The following CENPC variants were observed in gnomAD, a reference collection of about 807,000 sequenced individuals.
CENPC encodes centromere protein C, also known as CENP-C 1.
Under a neutral mutation model 112.1 loss-of-function variants are expected in CENPC, and 63 were observed. The observed-to-expected ratio is 0.56, with a 90% CI of 0.46 to 0.69. The LOEUF is 0.69. CENPC is among the 30% of genes least tolerant of loss of function. The probability of loss-of-function intolerance (pLI) is 0.00; values close to 1 mark genes in which losing one functional copy is unlikely to be tolerated. For missense variants in CENPC, 1,000 were observed against 1,103.8 expected, an observed-to-expected ratio of 0.91 and a Z score of 1.33; for synonymous variants, 333 against 367.6, an observed-to-expected ratio of 0.91 and a Z score of 1.08.
Position 67,512,410 on chromosome 4 carries a change from G to A in CENPC, c.1604C>T (p.Ser535Leu), listed in dbSNP as rs971694560. 3 of 1,590,488 alleles carry A rather than the reference G, an allele frequency of 1.9e-6. No homozygotes were observed. Among genetic ancestry groups the A allele is most frequent in the Non-Finnish European group, 2.6e-6 (3 of 1,169,226 alleles). ...TAAATAAAAATACTTACTCTCCTCT[G>A]ATTTTACCACCCACCAATCAGATGG... ...RRPSDWWVVK[S>L]EESPVYSNSS... is the part of the protein sequence containing the mutation. Residue 535 changes from serine to leucine, a missense_variant, in exon 9 of 19, where the codon TCA (serine) becomes TTA (leucine). Transcript: ENST00000273853.
chr4:67,545,322 G>A lies in CENPC; in HGVS notation c.18+16C>T. 1 of 1,471,482 alleles carries A rather than the reference G, an allele frequency of 6.8e-7. No homozygotes were observed. Among genetic ancestry groups the A allele is most frequent in the Non-Finnish European group, 9.1e-7 (1 of 1,103,302 alleles). 91.2% of individuals were successfully genotyped at this position (1,471,482 alleles called of 1,614,324 possible). The stretch of plus-strand genomic sequence containing the variant: ...GCCGCTCAACCACTCGCCTGGAGCG[G>A]GGGGCCTGCACTTACCAGACCGGAC... On this transcript the variant is annotated intron_variant, in intron 1 of 18. Coordinates refer to ENST00000273853, the MANE Select transcript of CENPC (RefSeq NM_001812.4).
chr4:67,491,480 T>TATATATAGAGAG (rs1725270093), intron 16 of CENPC, among the ~76,000 whole-genome samples: 3 of 18,104 alleles, frequency 1.7e-4, no homozygotes, highest in Non-Finnish European at 3.1e-4. Context: ...TATATATATA[T>TATATATAGAGAG]AGAGAGAGAG....
chr4:67,477,841 AG>A (rs973059693), intron 17 of CENPC, among the ~76,000 whole-genome samples: 2 of 152,170 alleles, frequency 1.3e-5, no homozygotes, highest in African/African-American at 4.8e-5. Flanking sequence ...CGAGAGAAAT[AG>A]ATAGCATAAA....
At chr4:67,474,131 C>T (rs1724742344) in intron 18 of CENPC, among the ~76,000 whole-genome samples, 1 of 151,782 alleles carries the variant, frequency 6.6e-6, no homozygotes, top group South Asian at 2.1e-4. Context: ...GTGGTGCAGT[C>T]TCTGGTCACT....
In CENPC at chr4:67,468,965, G is replaced by A. The variant is rs1244981784; in HGVS notation, c.*3640C>T. The A allele has an allele frequency of 6.6e-6, 1 of 152,156 alleles. No individual in the cohort carries two copies. The highest frequency in any genetic ancestry group is 1.5e-5 in the Non-Finnish European group (1 of 68,022). 9.4% of individuals were successfully genotyped at this position (152,156 alleles called of 1,614,324 possible). ...AATATATAAGTGACAATATTACAGA[G>A]ATGAAGAACAAATTAGTGATGATGA... is the stretch of plus-strand genomic sequence containing the variant. On this transcript the variant is annotated 3_prime_UTR_variant, in exon 19 of 19. Coordinates refer to ENST00000273853, the MANE Select transcript of CENPC (RefSeq NM_001812.4).
intron 5 of CENPC, among the ~76,000 whole-genome samples, chr4:67,522,703 C>A (rs1220428812): frequency 6.6e-6 from 1 of 152,058 alleles, no homozygotes; most frequent in Non-Finnish European, 1.5e-5. Context: ...TAAGAAAGAT[C>A]AGAAATGAAT....
chr4:67,491,508 GAGA>G (rs1725274064), intron 16 of CENPC, among the ~76,000 whole-genome samples: 1 of 138,496 alleles, frequency 7.2e-6, no homozygotes, highest in South Asian at 2.5e-4. Context: ...GAGAGAGAGA[GAGA>G]GAGAGAGAGA....
chr4:67,487,907 T>TAAC (rs1725135908), intron 17 of CENPC, among the ~76,000 whole-genome samples: 1 of 151,728 alleles, frequency 6.6e-6, no homozygotes, highest in African/African-American at 2.4e-5. Flanking sequence ...TTGTCCTGTT[T>TAAC]ATTATCTTTT....
chr4:67,492,543 T>C (rs561525101), intron 15 of CENPC, among the ~76,000 whole-genome samples: 4 of 152,322 alleles, frequency 2.6e-5, no homozygotes, highest in African/African-American at 4.8e-5. Flanking sequence ...AAGTGATGTT[T>C]TGCATAATCT....
chr4:67,497,923 T>A (rs866506287), intron 12 of CENPC, among the ~76,000 whole-genome samples: 1 of 152,128 alleles, frequency 6.6e-6, no homozygotes, highest in Admixed American at 6.5e-5. Flanking sequence ...TTTAAAAATA[T>A]TTTATTGCTA....
chr4:67,491,468 TATATATATATATAGAGAGAGAGAGAG>T (rs1430998082), intron 16 of CENPC, among the ~76,000 whole-genome samples: 6 of 54,692 alleles, frequency 1.1e-4, no homozygotes, highest in African/African-American at 6.2e-5. Context: ...TATATATATA[TATATATATATATAGAGAGAGAGAGAG>T]AGAGAGAGAG....
At chr4:67,545,142 A>T (rs573065362) in intron 1 of CENPC, among the ~76,000 whole-genome samples, 196 bp downstream of exon 1, 4 of 152,310 alleles carry the variant, frequency 2.6e-5, no homozygotes, top group African/African-American at 9.6e-5. Flanking sequence ...AAACTTAAGA[A>T]ATAATAAAAG....
intron 4 of CENPC, among the ~76,000 whole-genome samples, chr4:67,534,168 T>TA (rs1212129342): frequency 6.6e-6 from 1 of 152,024 alleles, no homozygotes; most frequent in Non-Finnish European, 1.5e-5. Flanking sequence ...GTAATCCCCA[T>TA]ACTTTGGGAG....
intron 15 of CENPC, 128 bp downstream of exon 15, chr4:67,492,741 T>A: frequency 1.5e-6 from 2 of 1,301,846 alleles, no homozygotes; most frequent in Non-Finnish European, 2.0e-6. Context: ...CATTAAAAAA[T>A]GAATTTTACC....
intron 15 of CENPC, chr4:67,492,635 T>C (rs1190482459): frequency 1.6e-6 from 1 of 638,662 alleles, no homozygotes; most frequent in South Asian, 2.8e-5. Context: ...TGGGTTTCAT[T>C]TGACTGGGAA....
intron 12 of CENPC, among the ~76,000 whole-genome samples, chr4:67,501,185 G>A (rs180854668): frequency 6.6e-6 from 1 of 152,258 alleles, no homozygotes; most frequent in Admixed American, 6.5e-5. Context: ...GCATGTGCCT[G>A]TAATCACAGC....
chr4:67,480,125 G>A (rs1396725570), intron 17 of CENPC, among the ~76,000 whole-genome samples: 1 of 152,102 alleles, frequency 6.6e-6, no homozygotes, highest in Admixed American at 6.5e-5. Flanking sequence ...TTCAAAACCA[G>A]GCTGGCCAAC....
At chr4:67,486,968 GTTTT>G (rs58948980) in intron 17 of CENPC, among the ~76,000 whole-genome samples, 3 of 131,820 alleles carry the variant, frequency 2.3e-5, no homozygotes, top group Non-Finnish European at 3.1e-5. Context: ...TTGCTTTTAG[GTTTT>G]TTTTTTTTTT....
chr4:67,474,222 G>A lies in CENPC; in HGVS notation c.2761+666C>T, dbSNP rs560025819. On this transcript the variant is annotated intron_variant, in intron 18 of 18. Coordinates refer to ENST00000273853, the MANE Select transcript of CENPC (RefSeq NM_001812.4). ...TGGGACCACAGGTGTCCGCCACCAC[G>A]CCCAGCTAATTTTTTTGTATTTTTA... is the stretch of plus-strand genomic sequence containing the variant. Among the ~76,000 whole-genome samples the A allele has an allele frequency of 2.4e-3, 365 of 152,012 alleles. 2 individuals carry two copies. The highest frequency in any genetic ancestry group is 8.3e-3 in the African/African-American group (344 of 41,476).
Sources: allele counts gnomAD v4.1 joint callset (sites outside exome capture counted in the v4.1 genomes callset), GRCh38; gene constraint gnomAD v4.1.1; transcripts MANE v1.5; gene names NCBI Gene and HGNC (gene_info 2026-07-23, HGNC 2026-07-21).